UBE2E2: variants seen among roughly 807,000 people sequenced by gnomAD.
UBE2E2 encodes ubiquitin conjugating enzyme E2 E2.
Under a neutral mutation model 24.7 loss-of-function variants are expected in UBE2E2, and 6 were observed. That is an observed-to-expected ratio of 0.24 (90% CI 0.13 to 0.48). UBE2E2 has a LOEUF of 0.48. Ranked by LOEUF, UBE2E2 falls within the 20% of genes least tolerant of loss-of-function variation. UBE2E2 has a pLI of 0.99. For synonymous variants in UBE2E2, 104 were observed against 83.6 expected, an observed-to-expected ratio of 1.24 and a Z score of -1.33; for missense variants, 169 against 245.0, an observed-to-expected ratio of 0.69 and a Z score of 2.07.
chr3:23,492,693 T>G (rs1487909870), intron 3 of UBE2E2, among the ~76,000 whole-genome samples: 4 of 152,188 alleles, frequency 2.6e-5, no homozygotes, highest in Non-Finnish European at 5.9e-5. Context: ...GATTTAGACT[T>G]AACAATATAC....
chr3:23,467,308 T>G (rs1278621502), intron 3 of UBE2E2, among the ~76,000 whole-genome samples: 4 of 152,236 alleles, frequency 2.6e-5, no homozygotes, highest in Non-Finnish European at 4.4e-5. Context: ...TGAAAACAAT[T>G]TAACTTGAAT....
In UBE2E2 at chr3:23,407,762, A is replaced by G. The variant is rs1479209223; in HGVS notation, c.228-91846A>G. On this transcript the variant is annotated intron_variant, in intron 3 of 5. Coordinates refer to ENST00000396703, the MANE Select transcript of UBE2E2 (RefSeq NM_152653.4). This position sits in a 1 kb window ranked among gnomAD's most constrained non-coding sequence, Gnocchi z 4.0. ...CCTCTGTACATCTCAAATAAAACCT[A>G]AAACTTTGAGGTCTGTTACCTCTGC... 1.3e-5 allele frequency among the ~76,000 whole-genome samples: 2 copies of G among 151,940 alleles called. No individual in the cohort carries two copies. The highest frequency in any genetic ancestry group is 6.6e-5 in the Admixed American group (1 of 15,218).
chr3:23,218,062 GT>G (rs1014386276), intron 3 of UBE2E2, among the ~76,000 whole-genome samples: 2 of 152,112 alleles, frequency 1.3e-5, no homozygotes, highest in Non-Finnish European at 2.9e-5. Flanking sequence ...CCAACCTGGA[GT>G]TTTTCTGGTT....
At position 23,271,433 on chromosome 3, in the gene UBE2E2, G is replaced by A. The variant is rs557873455; in HGVS notation, c.227+54121G>A. Among the ~76,000 whole-genome samples, 344 of 152,298 alleles carry A rather than the reference G, an allele frequency of 2.3e-3. 3 individuals are homozygous for A. Among genetic ancestry groups the A allele is most frequent in the African/African-American group, 7.9e-3 (328 of 41,558 alleles). Reference sequence around the variant, plus strand: ...GCAAGATTTATTGCAAAGAGCCAAAGAACAAAGCTTCCACAGCGTGGTAAG... The same window carrying A: ...GCAAGATTTATTGCAAAGAGCCAAAAAACAAAGCTTCCACAGCGTGGTAAG... On this transcript the variant is annotated intron_variant, in intron 3 of 5. Transcript: ENST00000396703.
intron 3 of UBE2E2, among the ~76,000 whole-genome samples, chr3:23,360,156 G>A (rs2047339): frequency 0.82 from 125,124 of 152,212 alleles, 51,414 homozygotes; most frequent in Admixed American, 0.85. Flanking sequence ...GAATATTACT[G>A]TAAGACATCA....
intron 3 of UBE2E2, among the ~76,000 whole-genome samples, chr3:23,369,455 T>C (rs1431866607): frequency 6.6e-6 from 1 of 152,210 alleles, no homozygotes; most frequent in Non-Finnish European, 1.5e-5. Context: ...ATAATGGGAT[T>C]GCATTCTTAA....
chr3:23,563,461 A>G (rs1052219356), intron 5 of UBE2E2, among the ~76,000 whole-genome samples: 27 of 152,224 alleles, frequency 1.8e-4, no homozygotes, highest in African/African-American at 6.0e-4. Context: ...CTGTACTTTT[A>G]CATTTGCTGA....
chr3:23,222,880 G>A (rs1696694849), intron 3 of UBE2E2, among the ~76,000 whole-genome samples: 1 of 152,066 alleles, frequency 6.6e-6, no homozygotes, highest in South Asian at 2.1e-4. Context: ...GCCAGCATCC[G>A]CTATTGCCGT....
intron 3 of UBE2E2, among the ~76,000 whole-genome samples, chr3:23,269,789 T>C (rs939918082): frequency 6.6e-6 from 1 of 152,082 alleles, no homozygotes; most frequent in African/African-American, 2.4e-5. Context: ...GAAGCAGTAA[T>C]AGAAATCATA....
At chr3:23,491,008 ACCAGATG>A (rs1183229334) in intron 3 of UBE2E2, among the ~76,000 whole-genome samples, 2 of 152,186 alleles carry the variant, frequency 1.3e-5, no homozygotes, top group African/African-American at 4.8e-5. Flanking sequence ...GAGAATTAGA[ACCAGATG>A]TTTAAGGACT....
rs1437290608 is a variant in UBE2E2, at chr3:23,518,563, G to T, written c.361-13991G>T. On this transcript the variant is annotated intron_variant, in intron 4 of 5. Transcript: ENST00000396703. ...AACTTAGATCCATCCTTATAAGGAT[G>T]CCTTGACCTGAAGAGTCAGAAGGCT... Among the ~76,000 whole-genome samples the T allele has an allele frequency of 2.3e-4, 35 of 152,296 alleles. 1 individual carries two copies. The highest frequency in any genetic ancestry group is 1.5e-5 in the Non-Finnish European group (1 of 68,024).
chr3:23,281,654 AAGG>A (rs2125371873), intron 3 of UBE2E2, among the ~76,000 whole-genome samples: 1 of 152,182 alleles, frequency 6.6e-6, no homozygotes, highest in South Asian at 2.1e-4. Flanking sequence ...AAAGAAGGAG[AAGG>A]AGGAGAAACA....
At chr3:23,203,689 T>TC (rs1315199666) in intron 1 of UBE2E2, among the ~76,000 whole-genome samples, 8 of 87,932 alleles carry the variant, frequency 9.1e-5, no homozygotes, top group South Asian at 4.8e-4. Context: ...CTTCTTCCCA[T>TC]CCCCCCCTTC....
At chr3:23,346,533 C>T (rs1695562018) in intron 3 of UBE2E2, among the ~76,000 whole-genome samples, 1 of 152,154 alleles carries the variant, frequency 6.6e-6, no homozygotes, top group Non-Finnish European at 1.5e-5. Flanking sequence ...TTAAAAGCTA[C>T]ACAAAAATTC....
intron 3 of UBE2E2, among the ~76,000 whole-genome samples, chr3:23,350,713 C>G (rs935356403): frequency 5.9e-5 from 9 of 152,112 alleles, no homozygotes; most frequent in Non-Finnish European, 1.3e-4. Flanking sequence ...ATGAACAAAG[C>G]CTCCAAGAAA....
intron 4 of UBE2E2, among the ~76,000 whole-genome samples, chr3:23,499,948 T>C (rs557469624): frequency 2.0e-5 from 3 of 152,320 alleles, no homozygotes; most frequent in Non-Finnish European, 4.4e-5. Context: ...TTGTTTTTTT[T>C]CTCCTCCTTT....
At chr3:23,478,953 G>A (rs1330789662) in intron 3 of UBE2E2, among the ~76,000 whole-genome samples, 1 of 151,942 alleles carries the variant, frequency 6.6e-6, no homozygotes, top group Non-Finnish European at 1.5e-5. Context: ...AGCTACTCAA[G>A]AGGTTGAGGT....
chr3:23,529,025 A>G (rs1361629717), intron 4 of UBE2E2, among the ~76,000 whole-genome samples: 1 of 152,232 alleles, frequency 6.6e-6, no homozygotes, highest in Non-Finnish European at 1.5e-5. Context: ...GGAATTGTGC[A>G]GAGTGAAAAG....
chr3:23,587,982 T>C (rs1696665009), intron 5 of UBE2E2, among the ~76,000 whole-genome samples: 1 of 152,238 alleles, frequency 6.6e-6, no homozygotes, highest in Non-Finnish European at 1.5e-5. Flanking sequence ...CCAGGAAAAC[T>C]TAAGCAAGTC....
Sources: gnomAD v4.1 joint callset for allele counts (sites outside exome capture counted in the v4.1 genomes callset) on GRCh38, gnomAD v4.1.1 for gene constraint, Gnocchi (gnomAD v3.1) non-coding constraint, MANE v1.5 for transcripts, NCBI Gene and HGNC (gene_info 2026-07-23, HGNC 2026-07-21) for gene names.